Variants in CACNA2D4 observed in about 807,000 individuals in gnomAD.
The protein encoded by CACNA2D4 is calcium voltage-gated channel auxiliary subunit alpha2delta 4.
CACNA2D4 carries 157 observed loss-of-function variants against 163.8 expected under a neutral mutation model. That is an observed-to-expected ratio of 0.96 (90% CI 0.84 to 1.09). The LOEUF (loss-of-function observed/expected upper bound fraction) is 1.09, where lower values mean the gene tolerates loss of function less well. Among genes scored for constraint, CACNA2D4 ranks in the 50% least tolerant of loss-of-function variants. CACNA2D4 has a pLI of 0.00. For synonymous variants in CACNA2D4, 598 were observed against 586.9 expected, an observed-to-expected ratio of 1.02 and a Z score of -0.27; for missense variants, 1,410 against 1,479.9, an observed-to-expected ratio of 0.95 and a Z score of 0.78.
intron 20 of CACNA2D4, among the ~76,000 whole-genome samples, chr12:1,857,971 G>A (rs1232375260): frequency 6.6e-6 from 1 of 152,234 alleles, no homozygotes; most frequent in Non-Finnish European, 1.5e-5. Flanking sequence ...CACGGGATCA[G>A]GGAGCAGAGA....
Position 1,917,219 on chromosome 12 carries a change from G to A in CACNA2D4, c.227+1028C>T, listed in dbSNP as rs996754018. Among the ~76,000 whole-genome samples the A allele has an allele frequency of 1.3e-5, 2 of 152,140 alleles. No individual in the cohort carries two copies. Among genetic ancestry groups the A allele is most frequent in the African/African-American group, 2.4e-5 (1 of 41,424 alleles). On this transcript the variant is annotated intron_variant, in intron 1 of 37. Transcript: ENST00000382722. This position sits in a 1 kb window ranked among gnomAD's most constrained non-coding sequence, Gnocchi z 4.3. The stretch of plus-strand genomic sequence containing the variant: ...TCTGTTTCCTCAGCTGCAAAATAGG[G>A]ATAAAAATAAGCCCCCACTGAATGG...
intron 3 of CACNA2D4, among the ~76,000 whole-genome samples, chr12:1,912,260 G>A (rs917731147): frequency 3.3e-5 from 5 of 152,228 alleles, no homozygotes; most frequent in African/African-American, 1.2e-4. Context: ...GGAGAGCACT[G>A]GTCTTGGATG....
intron 6 of CACNA2D4, among the ~76,000 whole-genome samples, chr12:1,894,484 T>G (rs1280512394): frequency 1.3e-5 from 2 of 151,974 alleles, no homozygotes; most frequent in Non-Finnish European, 2.9e-5. Flanking sequence ...ATGCAAAAAA[T>G]CTTCAACAAA....
chr12:1,799,821 C>T lies in CACNA2D4; in HGVS notation c.2975-126G>A. On this transcript the variant is annotated intron_variant, in intron 33 of 37. Coordinates refer to ENST00000382722, the MANE Select transcript of CACNA2D4 (RefSeq NM_172364.5). The surrounding 1 kb of genome is among the most constrained non-coding windows in gnomAD (Gnocchi z 4.7). ...GTGGCGGTGTCCCAAGATGATGTCA[C>T]ACACAGAGCCAGGAGTGAGGGATGT... 1.5e-6 allele frequency: 2 copies of T among 1,336,038 alleles called. No homozygotes were observed. The highest frequency in any genetic ancestry group is 1.3e-5 in the South Asian group (1 of 79,674). The allele number at this position is 1,336,038 out of a possible 1,614,324, so 82.8% of individuals were successfully genotyped here. A position where few individuals can be genotyped will look rare whatever the true frequency, so the allele number is the denominator to read the frequency against.
At position 1,856,099 on chromosome 12, in the gene CACNA2D4, T is replaced by C. The variant is rs76224631; in HGVS notation, c.2065A>G (p.Ile689Val). 4,790 of 1,613,976 alleles carry C rather than the reference T, an allele frequency of 3.0e-3. 111 individuals are homozygous for C. In the African/African-American group the frequency reaches 0.047, roughly 16 times the overall value. The part of the protein sequence containing the change: ...LALAGDWIYC[I>V]TDIDPDHRKL... Reference sequence around the variant, plus strand: ...CGGTGGTCTGGGTCAATATCTGTGATGCAGTAGATCCTGAAACCCAGGAAA... The same window carrying C: ...CGGTGGTCTGGGTCAATATCTGTGACGCAGTAGATCCTGAAACCCAGGAAA... The change falls in exon 22 of 38, where the codon ATC becomes GTC. Residue 689 changes from isoleucine (I) to valine (V), a missense_variant. Coordinates refer to ENST00000382722, the MANE Select transcript of CACNA2D4 (RefSeq NM_172364.5).
At chr12:1,894,247 A>G (rs1866351856) in intron 6 of CACNA2D4, among the ~76,000 whole-genome samples, 1 of 152,174 alleles carries the variant, frequency 6.6e-6, no homozygotes, top group Admixed American at 6.5e-5. Context: ...CAGTAATAAA[A>G]AGCCTCCCAA....
intron 13 of CACNA2D4, 33 bp downstream of exon 13, chr12:1,882,834 G>T: frequency 6.2e-7 from 1 of 1,611,594 alleles, no homozygotes; most frequent in Non-Finnish European, 8.5e-7. Flanking sequence ...TCTGAGGTGG[G>T]CTTCTCGAGC....
chr12:1,809,336 A>C, intron 29 of CACNA2D4: 1 of 590,866 alleles, frequency 1.7e-6, no homozygotes, highest in East Asian at 2.8e-5. Flanking sequence ...GCTGGCTTAG[A>C]CACTGTGTAG....
intron 26 of CACNA2D4, among the ~76,000 whole-genome samples, chr12:1,818,081 C>T (rs562832902): frequency 6.6e-5 from 10 of 150,874 alleles, no homozygotes; most frequent in East Asian, 2.0e-4. Context: ...ATGTGGGGAG[C>T]GCCTCTGCCC....
intron 6 of CACNA2D4, among the ~76,000 whole-genome samples, chr12:1,888,952 CAAAT>C (rs1258716396): frequency 6.6e-6 from 1 of 152,010 alleles, no homozygotes. Context: ...ACTTCGAAGG[CAAAT>C]AAATAAATAA....
intron 20 of CACNA2D4, among the ~76,000 whole-genome samples, chr12:1,858,335 G>A (rs1034919774): frequency 1.3e-5 from 2 of 152,190 alleles, no homozygotes; most frequent in African/African-American, 4.8e-5. Flanking sequence ...GAAACTAGCA[G>A]TGCGGTTGGC....
intron 26 of CACNA2D4, chr12:1,831,146 C>G (rs1035091111): frequency 1.9e-6 from 3 of 1,614,018 alleles, no homozygotes; most frequent in Non-Finnish European, 2.5e-6. Context: ...ACCTCTCCAG[C>G]CTGCAGCGGT....
chr12:1,838,389 T>A (rs1864934644), intron 26 of CACNA2D4, among the ~76,000 whole-genome samples: 1 of 152,142 alleles, frequency 6.6e-6, no homozygotes, highest in Non-Finnish European at 1.5e-5. Flanking sequence ...CTCACACGCT[T>A]ACAGTGCCAG....
Position 1,874,373 on chromosome 12 carries a change from A to T in CACNA2D4, c.1878+231T>A, listed in dbSNP as rs138946903. ...CCTTGGCCAGCTTTCTCCCCAGCTCAGCGGTCTCCCAAAAGCCAAGCATTG... is the reference window on the plus strand; with the variant it reads ...CCTTGGCCAGCTTTCTCCCCAGCTCTGCGGTCTCCCAAAAGCCAAGCATTG... On this transcript the variant is annotated intron_variant, in intron 18 of 37. Transcript: ENST00000382722. This position sits in a 1 kb window ranked among gnomAD's most constrained non-coding sequence, Gnocchi z 4.4. Among the ~76,000 whole-genome samples, 3 of 152,334 alleles carry T rather than the reference A, an allele frequency of 2.0e-5. No individual in the cohort carries two copies. The East Asian group carries it at 5.8e-4, about 29-fold the overall frequency.
intron 23 of CACNA2D4, among the ~76,000 whole-genome samples, chr12:1,849,660 TC>T (rs758557707): frequency 6.6e-6 from 1 of 152,250 alleles, no homozygotes; most frequent in Non-Finnish European, 1.5e-5. Flanking sequence ...GGAGTCTGTC[TC>T]TGTATCCATC....
chr12:1,903,086 A>G (rs1413422310), intron 6 of CACNA2D4, among the ~76,000 whole-genome samples: 1 of 152,184 alleles, frequency 6.6e-6, no homozygotes, highest in African/African-American at 2.4e-5. Context: ...CTCATTTTCT[A>G]CAAAGGTGCC....
At position 1,858,734 on chromosome 12, in the gene CACNA2D4, T is replaced by C. The variant is rs547386623; in HGVS notation, c.1941-90A>G. ...CGTCCTTGCCCTTACCAACACTAGGTGTATGGGCTTTTTGTACCCACGACG... is the reference window on the plus strand; with the variant it reads ...CGTCCTTGCCCTTACCAACACTAGGCGTATGGGCTTTTTGTACCCACGACG... On this transcript the variant is annotated intron_variant, in intron 19 of 37. Coordinates refer to ENST00000382722, the MANE Select transcript of CACNA2D4 (RefSeq NM_172364.5). The C allele has an allele frequency of 2.7e-3, 2,642 of 965,872 alleles. 9 individuals carry two copies. Among genetic ancestry groups the C allele is most frequent in the Non-Finnish European group, 2.5e-3 (1,670 of 656,750 alleles). 59.8% of individuals were successfully genotyped at this position (965,872 alleles called of 1,614,324 possible).
At position 1,875,235 on chromosome 12, in the gene CACNA2D4, T is replaced by C; in HGVS notation, c.1806+16A>G. The C allele has an allele frequency of 6.3e-7, 1 of 1,583,716 alleles. No individual in the cohort carries two copies. Among genetic ancestry groups the C allele is most frequent in the South Asian group, 1.1e-5 (1 of 90,450 alleles). ...GAGCCTAACTAGCTTCCCTTCCCCC[T>C]ATTTTCCCCACTCACAGATTCAGCC... On this transcript the variant is annotated intron_variant, in intron 17 of 37. Coordinates refer to ENST00000382722, the MANE Select transcript of CACNA2D4 (RefSeq NM_172364.5). The surrounding 1 kb of genome is among the most constrained non-coding windows in gnomAD (Gnocchi z 4.0).
chr12:1,883,046 G>A lies in CACNA2D4; in HGVS notation c.1352-46C>T. The A allele has an allele frequency of 6.3e-7, 1 of 1,586,896 alleles. No individual in the cohort carries two copies. Among genetic ancestry groups the A allele is most frequent in the Non-Finnish European group, 8.6e-7 (1 of 1,165,964 alleles). On this transcript the variant is annotated intron_variant, in intron 12 of 37. Coordinates refer to ENST00000382722, the MANE Select transcript of CACNA2D4 (RefSeq NM_172364.5). This position sits in a 1 kb window ranked among gnomAD's most constrained non-coding sequence, Gnocchi z 4.5. ...TGGGTGTGGAAGGCAGGGCTTCCCTGGGAACCCCTCGCCAGGGCCTGCACC... is the reference window on the plus strand; with the variant it reads ...TGGGTGTGGAAGGCAGGGCTTCCCTAGGAACCCCTCGCCAGGGCCTGCACC...
Sources: gnomAD v4.1 joint callset for allele counts (sites outside exome capture counted in the v4.1 genomes callset) on GRCh38, gnomAD v4.1.1 for gene constraint, Gnocchi (gnomAD v3.1) non-coding constraint, MANE v1.5 for transcripts, NCBI Gene and HGNC (gene_info 2026-07-23, HGNC 2026-07-21) for gene names.